EGFL6: variants seen among roughly 807,000 people sequenced by gnomAD.
EGFL6 encodes the protein EGF like domain multiple 6.
A neutral mutation model predicts 43.1 loss-of-function variants in EGFL6; 42 were observed. The observed-to-expected ratio is 0.98, with a 90% CI of 0.76 to 1.26. EGFL6 has a LOEUF of 1.26. Ranked by LOEUF, EGFL6 falls within the 50% of genes most tolerant of loss-of-function variation. The pLI is 0.00. For synonymous variants in EGFL6, 164 were observed against 163.2 expected (o/e 1.01, Z -0.04); for missense variants, 429 against 427.8 (o/e 1.00, Z -0.02).
intron 7 of EGFL6, among the ~76,000 whole-genome samples, chrX:13,609,578 C>G: frequency 1.8e-5 from 2 of 110,433 alleles, no homozygotes; most frequent in South Asian, 7.9e-4. Context: ...ATCGTGAAAC[C>G]CTGTCCCTAC....
At chrX:13,631,455 A>T (rs1376160760) in intron 11 of EGFL6, among the ~76,000 whole-genome samples, 2 of 111,178 alleles carry the variant, frequency 1.8e-5, no homozygotes, top group East Asian at 5.5e-4. Flanking sequence ...ATTAACATGA[A>T]CTATTTTTTT....
At chrX:13,625,751 C>T (rs1015585386) in intron 10 of EGFL6, among the ~76,000 whole-genome samples, 2 of 107,333 alleles carry the variant, frequency 1.9e-5, no homozygotes, top group African/African-American at 3.4e-5. Context: ...CCAGGTGTGG[C>T]GGCATACACC....
intron 8 of EGFL6, 127 bp downstream of exon 8, chrX:13,618,180 G>C: frequency 3.2e-6 from 2 of 619,655 alleles, no homozygotes; most frequent in Non-Finnish European, 4.9e-6. Context: ...GTCCTGAGAA[G>C]CAACATTCTC....
intron 2 of EGFL6, among the ~76,000 whole-genome samples, chrX:13,594,211 C>T (rs1371634501): frequency 8.9e-6 from 1 of 111,993 alleles, no homozygotes. Context: ...GTTATAACAT[C>T]CTACCCCTGT....
Position 13,613,157 on chromosome X carries a change from C to CATATATATATATATATATAT in EGFL6, c.779-4570_779-4551dup, listed in dbSNP as rs35293457. The stretch of plus-strand genomic sequence containing the variant: ...GAGACTTCATCTCCATAAATATATA[C>CATATATATATATATATATAT]ATATATATATATATATATATATGTC... On this transcript the variant is annotated intron_variant, in intron 7 of 11. Transcript: ENST00000361306. Among the ~76,000 whole-genome samples, 395 of 89,313 alleles carry CATATATATATATATATATAT rather than the reference C, an allele frequency of 4.4e-3. 6 individuals are homozygous for CATATATATATATATATATAT. Among genetic ancestry groups the CATATATATATATATATATAT allele is most frequent in the African/African-American group, 0.017 (360 of 21,783 alleles). 77.6% of individuals were successfully genotyped at this position (89,313 alleles called of 115,157 possible).
At chrX:13,610,967 G>A (rs2045686059) in intron 7 of EGFL6, among the ~76,000 whole-genome samples, 1 of 110,798 alleles carries the variant, frequency 9.0e-6, no homozygotes, top group African/African-American at 3.3e-5. Context: ...CCACTTCACG[G>A]GGTGGGACAG....
intron 3 of EGFL6, 54 bp downstream of exon 3, chrX:13,594,982 G>A: frequency 2.1e-6 from 2 of 972,566 alleles, no homozygotes; most frequent in Non-Finnish European, 2.9e-6. Flanking sequence ...CAGCAGGGCT[G>A]GCGACTCAAT....
chrX:13,582,465 C>T (rs943676183), intron 1 of EGFL6, among the ~76,000 whole-genome samples: 1 of 111,146 alleles, frequency 9.0e-6, no homozygotes, highest in South Asian at 3.8e-4. Context: ...TACTAAGATG[C>T]TTTTGTGACT....
chrX:13,622,080 C>G (rs934056696), intron 9 of EGFL6, among the ~76,000 whole-genome samples: 3 of 112,422 alleles, frequency 2.7e-5, no homozygotes, highest in Non-Finnish European at 5.6e-5. Flanking sequence ...CATCAACTAT[C>G]TAACTAGTAT....
At chrX:13,598,826 T>C (rs953392839) in intron 3 of EGFL6, among the ~76,000 whole-genome samples, 9 of 98,292 alleles carry the variant, frequency 9.2e-5, no homozygotes, top group East Asian at 6.2e-4. Flanking sequence ...ATATAATTCA[T>C]ATATATATTT....
intron 11 of EGFL6, 135 bp downstream of exon 11, chrX:13,627,411 T>A (rs2045787439): frequency 1.2e-6 from 1 of 851,732 alleles, no homozygotes; most frequent in African/African-American, 2.0e-5. Context: ...ACTTAAAGAA[T>A]ACGTTCTGGA....
chrX:13,593,786 T>G, intron 2 of EGFL6, among the ~76,000 whole-genome samples: 1 of 111,877 alleles, frequency 8.9e-6, no homozygotes, highest in East Asian at 2.8e-4. Context: ...CTGAATTTTT[T>G]GAGTCCAGGT....
chrX:13,625,900 A>AAAG (rs2045777690), intron 10 of EGFL6, among the ~76,000 whole-genome samples: 1 of 39,112 alleles, frequency 2.6e-5, no homozygotes, highest in African/African-American at 7.5e-5. Flanking sequence ...AAAAAAAAAA[A>AAAG]AAAGAAAAAG....
At chrX:13,603,224 T>A in intron 4 of EGFL6, 93 bp from the exon 5 acceptor site, 1 of 995,331 alleles carries the variant, frequency 1.0e-6, no homozygotes, top group Non-Finnish European at 1.3e-6. Flanking sequence ...TGCAACGTGT[T>A]CCATTCAATG....
At chrX:13,596,871 A>T (rs2045600465) in intron 3 of EGFL6, among the ~76,000 whole-genome samples, 1 of 112,430 alleles carries the variant, frequency 8.9e-6, no homozygotes, top group Non-Finnish European at 1.9e-5. Flanking sequence ...ATCAGACCCA[A>T]ATGTCAGTAG....
intron 10 of EGFL6, among the ~76,000 whole-genome samples, chrX:13,625,897 AAAAAAAGAAAAAG>A (rs1267861497): frequency 0.043 from 1,815 of 42,670 alleles, 46 homozygotes; most frequent in African/African-American, 0.068. Context: ...AAAAAAAAAA[AAAAAAAGAAAAAG>A]AAAAAAAGAA....
chrX:13,578,256 A>G (rs1489463545), intron 1 of EGFL6, among the ~76,000 whole-genome samples: 5 of 109,665 alleles, frequency 4.6e-5, no homozygotes, highest in African/African-American at 1.3e-4. Flanking sequence ...TTAGAATGGC[A>G]ATCATTAAAA....
chrX:13,614,349 TG>T, intron 7 of EGFL6, among the ~76,000 whole-genome samples: 1 of 111,857 alleles, frequency 8.9e-6, no homozygotes, highest in Middle Eastern at 4.6e-3. Flanking sequence ...TCCTGTTTCC[TG>T]GGTCCCATGC....
chrX:13,585,454 T>A (rs2045528644), intron 1 of EGFL6, among the ~76,000 whole-genome samples: 1 of 111,723 alleles, frequency 9.0e-6, no homozygotes. Context: ...CCTGAACCCC[T>A]TGTCTAAAAG....
Sources: allele counts gnomAD v4.1 joint callset (sites outside exome capture counted in the v4.1 genomes callset), GRCh38; gene constraint gnomAD v4.1.1; transcripts MANE v1.5; gene names NCBI Gene and HGNC (gene_info 2026-07-23, HGNC 2026-07-21).